XPO4: variants seen among roughly 807,000 people sequenced by gnomAD.
XPO4 encodes exportin-4.
A neutral mutation model predicts 143.0 loss-of-function variants in XPO4; 39 were observed. That is an observed-to-expected ratio of 0.27 (90% CI 0.21 to 0.36). XPO4 has a LOEUF of 0.36. Ranked by LOEUF, XPO4 falls within the 10% of genes least tolerant of loss-of-function variation. The pLI is 1.00. For missense variants in XPO4, 907 were observed against 1,348.0 expected (o/e 0.67, Z 5.12); for synonymous variants, 439 against 474.0 (o/e 0.93, Z 0.96).
Position 20,809,222 on chromosome 13 carries a change from C to G in XPO4, c.1354G>C (p.Ala452Pro). The G allele has an allele frequency of 6.2e-7, 1 of 1,612,574 alleles. No homozygotes were observed. The highest frequency in any genetic ancestry group is 1.1e-5 in the South Asian group (1 of 90,868). Residue 452 changes from alanine (A) to proline (P), a missense_variant, in exon 11 of 23, where the codon GCC becomes CCC. Physicochemically the swap from Ala to Pro is conservative, Grantham distance 27. Transcript: ENST00000255305. ...TCCTCACGAGAGGCCACACCATTGG[C>G]AGTCTATTGCAAGTAAAAGAAATAA... ...AAPDGTRNLT[A>P]NGVASREEEE...
At chr13:20,831,264 G>C (rs2138010130) in intron 6 of XPO4, among the ~76,000 whole-genome samples, 1 of 152,136 alleles carries the variant, frequency 6.6e-6, no homozygotes, top group South Asian at 2.1e-4. Context: ...AATAAAGCAA[G>C]ATGTTCATTT....
chr13:20,783,441 A>G lies in XPO4; in HGVS notation c.*281T>C, dbSNP rs772079845. 56 of 444,392 alleles carry G rather than the reference A, an allele frequency of 1.3e-4. No individual in the cohort carries two copies. The highest frequency in any genetic ancestry group is 2.2e-4 in the Non-Finnish European group (53 of 246,366). 27.5% of individuals were successfully genotyped at this position (444,392 alleles called of 1,614,324 possible). ...TGCATATGTATTTCGTGGTGCCCAT[A>G]TCTGTTTGCACATATATGGAATTTC... On this transcript the variant is annotated 3_prime_UTR_variant, in exon 23 of 23. Transcript: ENST00000255305.
chr13:20,851,711 C>CAAAAAAAAAAAAAAAAAAAAAAAA (rs11340357), intron 4 of XPO4: 1 of 681,866 alleles, frequency 1.5e-6, no homozygotes, highest in African/African-American at 2.6e-5. Context: ...CCCGGTCTCA[C>CAAAAAAAAAAAAAAAAAAAAAAAA]AAAAAAAAAA....
At chr13:20,882,423 C>T (rs183097448) in intron 1 of XPO4, among the ~76,000 whole-genome samples, 17 of 152,126 alleles carry the variant, frequency 1.1e-4, no homozygotes, top group African/African-American at 3.4e-4. Flanking sequence ...GGGGGAGGTG[C>T]CACATTCTTT....
At chr13:20,892,586 T>G (rs2060528489) in intron 1 of XPO4, among the ~76,000 whole-genome samples, 2 of 152,036 alleles carry the variant, frequency 1.3e-5, no homozygotes, top group Admixed American at 1.3e-4. Context: ...GCAAACAGGG[T>G]CCCTGAACAA....
chr13:20,851,298 T>C, intron 4 of XPO4: 2 of 985,374 alleles, frequency 2.0e-6, no homozygotes, highest in Non-Finnish European at 2.4e-6. Flanking sequence ...ATTTTTCACA[T>C]TTAATGTTTT....
chr13:20,856,259 G>C, intron 3 of XPO4: 2 of 891,898 alleles, frequency 2.2e-6, no homozygotes, highest in Non-Finnish European at 2.7e-6. Context: ...CCTTTAATGT[G>C]AAAAGGCAAC....
At chr13:20,895,651 T>C (rs2060561975) in intron 1 of XPO4, among the ~76,000 whole-genome samples, 1 of 151,836 alleles carries the variant, frequency 6.6e-6, no homozygotes, top group East Asian at 1.9e-4. Context: ...AAAAGAAGTT[T>C]AGTATAAGCC....
intron 1 of XPO4, among the ~76,000 whole-genome samples, chr13:20,893,058 C>T (rs9509423): frequency 0.37 from 55,548 of 151,738 alleles, 11,623 homozygotes; most frequent in Non-Finnish European, 0.48. Flanking sequence ...ATGAGAGGCC[C>T]TGTGACAGGA....
chr13:20,861,235 T>C (rs1267384804), intron 3 of XPO4, among the ~76,000 whole-genome samples: 1 of 151,534 alleles, frequency 6.6e-6, no homozygotes, highest in Non-Finnish European at 1.5e-5. Context: ...ACATGGTCTT[T>C]GGGGAACTTA....
At chr13:20,869,029 C>T (rs2060269022) in intron 1 of XPO4, among the ~76,000 whole-genome samples, 1 of 151,982 alleles carries the variant, frequency 6.6e-6, no homozygotes, top group Non-Finnish European at 1.5e-5. Context: ...ACCTTTTATT[C>T]CAAAATATAC....
At chr13:20,838,245 C>T (rs997923640) in intron 6 of XPO4, among the ~76,000 whole-genome samples, 63 of 152,222 alleles carry the variant, frequency 4.1e-4, no homozygotes, top group African/African-American at 1.5e-3. Context: ...CCTACAGCCA[C>T]TGCTCAGTCA....
chr13:20,842,795 A>T, intron 6 of XPO4, 100 bp downstream of exon 6: 1 of 1,083,292 alleles, frequency 9.2e-7, no homozygotes, highest in Non-Finnish European at 1.3e-6. Flanking sequence ...TTTTCTTTCA[A>T]TATGTTTTAT....
rs1456223969 is a variant in XPO4, at chr13:20,821,705, A to T, written c.1172T>A (p.Val391Glu). ...ATTTACTTTAGAATAGTCACTCACC[A>T]CTTCTTCCAATGCAGCACTTCGCCC... ...SFGRSAALEE[V>E]LDKDDMVYME... is the part of the protein sequence containing the mutation. Residue 391 changes from valine to glutamate, a missense_variant and splice_region_variant, in exon 9 of 23, where the codon GTG becomes GAG. Transcript: ENST00000255305. The T allele has an allele frequency of 1.2e-6, 2 of 1,611,874 alleles. No homozygotes were observed. Among genetic ancestry groups the T allele is most frequent in the South Asian group, 2.2e-5 (2 of 90,534 alleles).
At chr13:20,897,180 T>C (rs1177118837) in intron 1 of XPO4, among the ~76,000 whole-genome samples, 2 of 152,100 alleles carry the variant, frequency 1.3e-5, no homozygotes, top group Non-Finnish European at 2.9e-5. Context: ...ATCTTTCAAA[T>C]AAGAAAAGTA....
intron 6 of XPO4, among the ~76,000 whole-genome samples, chr13:20,842,070 T>C (rs2059980761): frequency 6.6e-6 from 1 of 152,194 alleles, no homozygotes. Flanking sequence ...CTGAGTGTTT[T>C]AAATGTATTG....
intron 4 of XPO4, among the ~76,000 whole-genome samples, chr13:20,854,438 C>T (rs1217074197): frequency 6.6e-6 from 1 of 152,094 alleles, no homozygotes; most frequent in Non-Finnish European, 1.5e-5. Context: ...TCAACTACAT[C>T]GTTAAAATCA....
chr13:20,798,807 G>A (rs555740099), intron 16 of XPO4, among the ~76,000 whole-genome samples: 1 of 152,012 alleles, frequency 6.6e-6, no homozygotes, highest in Non-Finnish European at 1.5e-5. Context: ...ATTGCTTGAG[G>A]CCAGGAGTTC....
At chr13:20,893,431 G>C (rs1411865386) in intron 1 of XPO4, among the ~76,000 whole-genome samples, 1 of 152,044 alleles carries the variant, frequency 6.6e-6, no homozygotes, top group African/African-American at 2.4e-5. Flanking sequence ...AAAAAGATGA[G>C]GATATGGAAT....
Sources: gnomAD v4.1 joint callset for allele counts (sites outside exome capture counted in the v4.1 genomes callset) on GRCh38, gnomAD v4.1.1 for gene constraint, MANE v1.5 for transcripts, NCBI Gene and HGNC (gene_info 2026-07-23, HGNC 2026-07-21) for gene names.